The following PTPRD variants were observed in gnomAD, a reference collection of about 807,000 sequenced individuals.
The protein encoded by PTPRD is receptor-type tyrosine-protein phosphatase delta.
Under a neutral mutation model 214.5 loss-of-function variants are expected in PTPRD, and 34 were observed. The ratio of observed to expected loss-of-function variants is 0.16; its 90% confidence interval spans 0.12 to 0.21. The LOEUF is 0.21. Ranked by LOEUF, PTPRD falls within the 10% of genes least tolerant of loss-of-function variation. The pLI is 1.00. For missense variants in PTPRD, 2,545 were observed against 2,398.7 expected (o/e 1.06, Z -1.27); for synonymous variants, 1,128 against 845.7 (o/e 1.33, Z -5.79).
chr9:9,637,977 G>A (rs953269368), intron 7 of PTPRD, among the ~76,000 whole-genome samples: 2 of 152,102 alleles, frequency 1.3e-5, no homozygotes, highest in Admixed American at 1.3e-4. Context: ...CATGCCTTAG[G>A]TCCCTGGCCC....
chr9:9,016,892 G>A (rs1244519735), intron 11 of PTPRD, among the ~76,000 whole-genome samples: 3 of 152,010 alleles, frequency 2.0e-5, no homozygotes, highest in Non-Finnish European at 4.4e-5. Flanking sequence ...AAACATTGAG[G>A]AGCAGGAAGA....
chr9:8,331,010 T>C (rs1840066229), intron 44 of PTPRD, among the ~76,000 whole-genome samples: 1 of 150,374 alleles, frequency 6.7e-6, no homozygotes, highest in African/African-American at 2.5e-5. Context: ...GCTATTTATT[T>C]CTATTAACTT....
Position 8,341,859 on chromosome 9 carries a change from T to G in PTPRD, c.4781A>C (p.Tyr1594Ser). The G allele has an allele frequency of 6.2e-7, 1 of 1,613,504 alleles. No homozygotes were observed. The highest frequency in any genetic ancestry group is 8.5e-7 in the Non-Finnish European group (1 of 1,179,678). ...GTATTGGTCTTCTGTTTGAACCATATAGTTCCTCTGGGCTCTCATTAAAGT... is the reference window on the plus strand; with the variant it reads ...GTATTGGTCTTCTGTTTGAACCATAGAGTTCCTCTGGGCTCTCATTAAAGT... Reference protein sequence around the residue: ...HVTLMRAQRNYMVQTEDQYIF... With the variant: ...HVTLMRAQRNSMVQTEDQYIF... The change falls in exon 40 of 46, where the codon TAT becomes TCT. Residue 1594 changes from tyrosine (Y) to serine (S), a missense_variant. Transcript: ENST00000381196.
intron 9 of PTPRD, among the ~76,000 whole-genome samples, chr9:9,221,095 A>G (rs2099955693): frequency 6.6e-6 from 1 of 152,106 alleles, no homozygotes; most frequent in Non-Finnish European, 1.5e-5. Context: ...AACCAGGTAC[A>G]ACTTTTTTCA....
At chr9:9,159,741 C>A (rs892447224) in intron 10 of PTPRD, among the ~76,000 whole-genome samples, 2 of 151,948 alleles carry the variant, frequency 1.3e-5, no homozygotes, top group South Asian at 4.2e-4. Flanking sequence ...TACAAAAGGC[C>A]CTAACAGTGA....
intron 7 of PTPRD, among the ~76,000 whole-genome samples, chr9:9,616,429 G>A (rs1166696050): frequency 6.6e-6 from 1 of 151,902 alleles, no homozygotes; most frequent in African/African-American, 2.4e-5. Flanking sequence ...ATAAGACAAT[G>A]CATCTAGGAT....
chr9:10,339,367 C>T (rs972542343), intron 3 of PTPRD, among the ~76,000 whole-genome samples: 2 of 151,714 alleles, frequency 1.3e-5, no homozygotes, highest in African/African-American at 2.4e-5. Context: ...GTTTGTTTTG[C>T]TCTTCAAGAG....
At chr9:9,213,742 G>T (rs2099950353) in intron 9 of PTPRD, among the ~76,000 whole-genome samples, 1 of 152,062 alleles carries the variant, frequency 6.6e-6, no homozygotes, top group Non-Finnish European at 1.5e-5. Flanking sequence ...TGAAAGTAAG[G>T]TGCTAAAGGA....
At chr9:8,387,110 G>A (rs978741548) in intron 37 of PTPRD, among the ~76,000 whole-genome samples, 1 of 152,170 alleles carries the variant, frequency 6.6e-6, no homozygotes, top group African/African-American at 2.4e-5. Flanking sequence ...TCACAAGACA[G>A]CATTTTAATT....
rs898545146 is a variant in PTPRD, at chr9:9,657,746, G to A, written c.-287+76787C>T. Among the ~76,000 whole-genome samples, 5 of 152,138 alleles carry A rather than the reference G, an allele frequency of 3.3e-5. No individual in the cohort carries two copies. In the South Asian group the frequency reaches 1.0e-3, roughly 32 times the overall value. The stretch of plus-strand genomic sequence containing the variant: ...AAATATAAAGCATTCTTTGACATAG[G>A]ACCCACAAGGCTTGCCACATGGGGG... On this transcript the variant is annotated intron_variant, in intron 7 of 45. Transcript: ENST00000381196.
At chr9:9,337,865 C>A (rs557600470) in intron 9 of PTPRD, among the ~76,000 whole-genome samples, 1 of 152,082 alleles carries the variant, frequency 6.6e-6, no homozygotes, top group Non-Finnish European at 1.5e-5. Context: ...TGCTTCTACC[C>A]CAGCAGGTAC....
chr9:9,271,201 A>C (rs908100894), intron 9 of PTPRD, among the ~76,000 whole-genome samples: 1 of 151,276 alleles, frequency 6.6e-6, no homozygotes, highest in African/African-American at 2.4e-5. Flanking sequence ...GTTATTCCCT[A>C]ACTAGAAACT....
intron 2 of PTPRD, among the ~76,000 whole-genome samples, chr9:10,528,235 G>A (rs551878716): frequency 6.6e-6 from 1 of 152,252 alleles, no homozygotes; most frequent in Non-Finnish European, 1.5e-5. Context: ...GGATGCTCCA[G>A]GCAGATATCC....
At chr9:8,907,839 T>C (rs142532303) in intron 11 of PTPRD, among the ~76,000 whole-genome samples, 9 of 152,154 alleles carry the variant, frequency 5.9e-5, no homozygotes, top group Middle Eastern at 3.4e-3. Flanking sequence ...TTAATATACA[T>C]GTAATATGAG....
chr9:8,472,011 G>C (rs2096662099), intron 30 of PTPRD, among the ~76,000 whole-genome samples: 1 of 152,080 alleles, frequency 6.6e-6, no homozygotes, highest in Non-Finnish European at 1.5e-5. Context: ...TGCATAATCT[G>C]GTTTTGTCCT....
rs960815371 is a variant in PTPRD, at chr9:9,568,267, G to C, written c.-237+6465C>G. Among the ~76,000 whole-genome samples, 4 of 151,940 alleles carry C rather than the reference G, an allele frequency of 2.6e-5. No homozygotes were observed. In the South Asian group the frequency reaches 8.3e-4, roughly 31 times the overall value. On this transcript the variant is annotated intron_variant, in intron 8 of 45. Coordinates refer to ENST00000381196, the MANE Select transcript of PTPRD (RefSeq NM_002839.4). ...AGCTTGAAAGGATTCAAAATTCATAGTGCACATCCTTCTTGTTTTGTAGTA... is the reference window on the plus strand; with the variant it reads ...AGCTTGAAAGGATTCAAAATTCATACTGCACATCCTTCTTGTTTTGTAGTA...
chr9:10,426,167 A>G (rs572626658), intron 2 of PTPRD, among the ~76,000 whole-genome samples: 63 of 151,990 alleles, frequency 4.1e-4, no homozygotes, highest in Non-Finnish European at 8.5e-4. Flanking sequence ...TGCTTTTCCT[A>G]TTTTAGCTTG....
At chr9:10,586,846 A>T (rs1156306843) in intron 2 of PTPRD, among the ~76,000 whole-genome samples, 1 of 149,480 alleles carries the variant, frequency 6.7e-6, no homozygotes, top group Non-Finnish European at 1.5e-5. Flanking sequence ...CAGATTCAGG[A>T]TTGCTCTCAT....
chr9:8,430,543 C>G (rs1295833582), intron 35 of PTPRD, among the ~76,000 whole-genome samples: 1 of 151,960 alleles, frequency 6.6e-6, no homozygotes, highest in Non-Finnish European at 1.5e-5. Context: ...TCCCAAAGTG[C>G]TGGGATTACA....
Sources: allele counts gnomAD v4.1 joint callset (sites outside exome capture counted in the v4.1 genomes callset), GRCh38; gene constraint gnomAD v4.1.1; transcripts MANE v1.5; gene names NCBI Gene and HGNC (gene_info 2026-07-23, HGNC 2026-07-21).